The following SGCZ variants were observed in gnomAD, a reference collection of about 807,000 sequenced individuals.
SGCZ encodes the protein zeta-sarcoglycan.
A neutral mutation model predicts 41.3 loss-of-function variants in SGCZ; 40 were observed. The observed-to-expected ratio is 0.97, with a 90% CI of 0.75 to 1.26. SGCZ has a LOEUF of 1.26. Among genes scored for constraint, SGCZ ranks in the 50% most tolerant of loss-of-function variants. SGCZ has a pLI of 0.00. For missense variants in SGCZ, 552 were observed against 369.8 expected (o/e 1.49, Z -4.04); for synonymous variants, 206 against 137.5 (o/e 1.50, Z -3.49).
At chr8:15,187,918 T>C (rs931015297) in intron 1 of SGCZ, among the ~76,000 whole-genome samples, 3 of 151,976 alleles carry the variant, frequency 2.0e-5, no homozygotes, top group Admixed American at 2.0e-4. Context: ...GATTAAGGAA[T>C]AGGAGAAAAC....
intron 2 of SGCZ, among the ~76,000 whole-genome samples, chr8:14,545,113 G>A (rs565241710): frequency 1.3e-5 from 2 of 152,014 alleles, no homozygotes; most frequent in African/African-American, 2.4e-5. Context: ...TTCTCAGCCG[G>A]CTGACACTTA....
intron 2 of SGCZ, among the ~76,000 whole-genome samples, chr8:14,372,822 G>A (rs1803961385): frequency 6.6e-6 from 1 of 152,068 alleles, no homozygotes; most frequent in Non-Finnish European, 1.5e-5. Context: ...AAACAAATGA[G>A]ACCCGTGAGG....
chr8:14,387,445 A>G (rs1804614417), intron 2 of SGCZ, among the ~76,000 whole-genome samples: 1 of 152,226 alleles, frequency 6.6e-6, no homozygotes, highest in South Asian at 2.1e-4. Flanking sequence ...TTACTTGTCA[A>G]AAATATTACT....
At chr8:15,079,423 G>A (rs1805661384) in intron 1 of SGCZ, among the ~76,000 whole-genome samples, 1 of 151,940 alleles carries the variant, frequency 6.6e-6, no homozygotes, top group African/African-American at 2.4e-5. Flanking sequence ...TTTCTTTTGG[G>A]TCCTGACTAT....
chr8:14,762,264 C>T (rs1256837345), intron 1 of SGCZ, among the ~76,000 whole-genome samples: 1 of 152,086 alleles, frequency 6.6e-6, no homozygotes, highest in Non-Finnish European at 1.5e-5. Context: ...CTCCATGAAC[C>T]TCAAATCTCC....
Position 14,725,696 on chromosome 8 carries a change from G to C in SGCZ, c.40-170770C>G, listed in dbSNP as rs192774771. Among the ~76,000 whole-genome samples the C allele has an allele frequency of 8.7e-4, 133 of 152,140 alleles. 2 individuals carry two copies. In the Middle Eastern group the frequency reaches 0.027, roughly 31 times the overall value. On this transcript the variant is annotated intron_variant, in intron 1 of 7. Coordinates refer to ENST00000382080, the MANE Select transcript of SGCZ (RefSeq NM_139167.4). ...TAAATGAAAAGTGAACTTAATTTTG[G>C]ACAACGATATCAAGGGAAATAGAGA...
chr8:14,785,151 G>A (rs1226039383), intron 1 of SGCZ, among the ~76,000 whole-genome samples: 1 of 150,938 alleles, frequency 6.6e-6, no homozygotes, highest in South Asian at 2.1e-4. Flanking sequence ...TAAATAAAAT[G>A]ATAATCCCAG....
At chr8:14,225,717 G>A (rs2054421) in intron 4 of SGCZ, among the ~76,000 whole-genome samples, 90,624 of 151,868 alleles carry the variant, frequency 0.6, 27,372 homozygotes, top group East Asian at 0.75. Context: ...ACAGATATAG[G>A]TGACATAAAA....
chr8:15,237,875 C>A lies in SGCZ; in HGVS notation c.-252G>T. Reference sequence around the variant, plus strand: ...AGGTGATCTCTACCGCGGTGCAACACAGCTGAGTCGATTGAAACAGGGGCC... The same window carrying A: ...AGGTGATCTCTACCGCGGTGCAACAAAGCTGAGTCGATTGAAACAGGGGCC... On this transcript the variant is annotated 5_prime_UTR_variant, in exon 1 of 8. Transcript: ENST00000382080. The A allele has an allele frequency of 2.3e-6, 1 of 431,370 alleles. No homozygotes were observed. Among genetic ancestry groups the A allele is most frequent in the Non-Finnish European group, 4.2e-6 (1 of 240,400 alleles). The allele number at this position is 431,370 out of a possible 1,614,324, so 26.7% of individuals were successfully genotyped here.
chr8:14,348,197 G>T (rs1802957236), intron 2 of SGCZ, among the ~76,000 whole-genome samples: 1 of 152,036 alleles, frequency 6.6e-6, no homozygotes, highest in African/African-American at 2.4e-5. Context: ...AAGACATGCA[G>T]ACCTTTATCC....
chr8:14,290,246 CAT>C (rs1436197952), intron 3 of SGCZ, among the ~76,000 whole-genome samples: 2 of 152,022 alleles, frequency 1.3e-5, no homozygotes, highest in Non-Finnish European at 2.9e-5. Flanking sequence ...AAGAAGGAAA[CAT>C]AGAGGGAAAT....
chr8:14,153,803 A>C (rs904011870), intron 5 of SGCZ, among the ~76,000 whole-genome samples: 1 of 152,050 alleles, frequency 6.6e-6, no homozygotes, highest in Non-Finnish European at 1.5e-5. Flanking sequence ...TGGCATATTG[A>C]GAGACAATTA....
intron 1 of SGCZ, among the ~76,000 whole-genome samples, chr8:14,593,837 C>T (rs2117292034): frequency 6.6e-6 from 1 of 152,166 alleles, no homozygotes; most frequent in South Asian, 2.1e-4. Context: ...CAGCAGTTTT[C>T]AGACTTGGGT....
At chr8:14,698,531 T>G (rs1585191259) in intron 1 of SGCZ, among the ~76,000 whole-genome samples, 1 of 151,934 alleles carries the variant, frequency 6.6e-6, no homozygotes, top group Non-Finnish European at 1.5e-5. Flanking sequence ...TTTAAAATTA[T>G]AGAAATTTAG....
intron 5 of SGCZ, among the ~76,000 whole-genome samples, chr8:14,119,565 G>C (rs909625232): frequency 1.3e-5 from 2 of 152,058 alleles, no homozygotes; most frequent in East Asian, 1.9e-4. Context: ...CTTGTGTTCT[G>C]ATTATCCAGG....
chr8:14,314,374 T>C (rs1388902271), intron 3 of SGCZ, among the ~76,000 whole-genome samples: 1 of 152,136 alleles, frequency 6.6e-6, no homozygotes, highest in East Asian at 1.9e-4. Context: ...TCAACCAATA[T>C]AAATCAAAAT....
chr8:14,997,410 T>C (rs1317115583), intron 1 of SGCZ, among the ~76,000 whole-genome samples: 2 of 152,304 alleles, frequency 1.3e-5, no homozygotes, highest in African/African-American at 4.8e-5. Flanking sequence ...AGTAAAGACA[T>C]CTCTGTGAAC....
At chr8:14,306,404 A>T (rs1009887653) in intron 3 of SGCZ, among the ~76,000 whole-genome samples, 1 of 152,222 alleles carries the variant, frequency 6.6e-6, no homozygotes, top group African/African-American at 2.4e-5. Flanking sequence ...ATTTCACATT[A>T]TTCCAAATAA....
chr8:14,621,419 T>C (rs1047283270), intron 1 of SGCZ, among the ~76,000 whole-genome samples: 4 of 151,826 alleles, frequency 2.6e-5, no homozygotes, highest in African/African-American at 7.3e-5. Context: ...ACATGTACCA[T>C]AGAACTTAAA....
Sources: gnomAD v4.1 joint callset for allele counts (sites outside exome capture counted in the v4.1 genomes callset) on GRCh38, gnomAD v4.1.1 for gene constraint, MANE v1.5 for transcripts, NCBI Gene and HGNC (gene_info 2026-07-23, HGNC 2026-07-21) for gene names.